The following PCSK5 variants were observed in gnomAD, a reference collection of about 807,000 sequenced individuals.
The protein encoded by PCSK5 is proprotein convertase subtilisin/kexin type 5.
PCSK5 carries 129 observed loss-of-function variants against 233.2 expected under a neutral mutation model. That is an observed-to-expected ratio of 0.55 (90% CI 0.48 to 0.64). The LOEUF (loss-of-function observed/expected upper bound fraction) is 0.64. Among genes scored for constraint, PCSK5 ranks in the 30% least tolerant of loss-of-function variants. The pLI is 0.00. For synonymous variants in PCSK5, 825 were observed against 879.2 expected (o/e 0.94, Z 1.09); for missense variants, 2,076 against 2,430.1 (o/e 0.85, Z 3.06).
At chr9:75,896,619 G>T (rs1484581422) in intron 1 of PCSK5, among the ~76,000 whole-genome samples, 6 of 152,120 alleles carry the variant, frequency 3.9e-5, no homozygotes, top group Non-Finnish European at 8.8e-5. Flanking sequence ...TTTAATTCAG[G>T]TTGTGATCAA....
chr9:76,307,969 G>A (rs779948749), intron 28 of PCSK5, among the ~76,000 whole-genome samples: 7 of 152,146 alleles, frequency 4.6e-5, no homozygotes, highest in South Asian at 2.1e-4. Context: ...AGGCTGAGGC[G>A]GGTGGATCAC....
At chr9:75,985,515 AATG>A (rs1826472153) in intron 2 of PCSK5, among the ~76,000 whole-genome samples, 1 of 152,120 alleles carries the variant, frequency 6.6e-6, no homozygotes, top group Non-Finnish European at 1.5e-5. Context: ...TAAAAAAAAA[AATG>A]ATCCTGGAGC....
chr9:75,947,988 C>G (rs990606500), intron 2 of PCSK5, among the ~76,000 whole-genome samples: 1 of 151,982 alleles, frequency 6.6e-6, no homozygotes, highest in African/African-American at 2.4e-5. Context: ...ACCACAGGCA[C>G]GTACTACCAT....
intron 2 of PCSK5, among the ~76,000 whole-genome samples, chr9:75,942,876 CT>C: frequency 7.5e-6 from 1 of 133,798 alleles, no homozygotes; most frequent in South Asian, 2.3e-4. Flanking sequence ...TATTTCTTTT[CT>C]TCTTCTTCTT....
intron 35 of PCSK5, among the ~76,000 whole-genome samples, chr9:76,343,509 G>T (rs917085823): frequency 1.3e-5 from 2 of 152,034 alleles, no homozygotes; most frequent in Non-Finnish European, 2.9e-5. Flanking sequence ...GGCCAGGATA[G>T]AATTTTAATT....
intron 20 of PCSK5, among the ~76,000 whole-genome samples, chr9:76,196,786 T>C (rs1469328375): frequency 6.6e-6 from 1 of 152,212 alleles, no homozygotes; most frequent in Non-Finnish European, 1.5e-5. Flanking sequence ...TAGAGGTGAA[T>C]GTATTATCCT....
chr9:76,082,974 C>G (rs1001704162), intron 7 of PCSK5, among the ~76,000 whole-genome samples: 6 of 151,904 alleles, frequency 3.9e-5, no homozygotes, highest in Admixed American at 2.6e-4. Context: ...TCTGGGAGGC[C>G]AAGGCGGGTG....
At chr9:75,933,386 C>T (rs1228533057) in intron 2 of PCSK5, among the ~76,000 whole-genome samples, 1 of 152,132 alleles carries the variant, frequency 6.6e-6, no homozygotes, top group Non-Finnish European at 1.5e-5. Context: ...GTAGGGTGTT[C>T]TTGCTTTTTT....
chr9:76,156,050 G>A (rs115029915), intron 10 of PCSK5, among the ~76,000 whole-genome samples: 3 of 152,308 alleles, frequency 2.0e-5, no homozygotes, highest in African/African-American at 7.2e-5. Flanking sequence ...TAATCCATAA[G>A]TATGGGCAGC....
At chr9:75,913,840 G>A (rs1822862866) in intron 1 of PCSK5, among the ~76,000 whole-genome samples, 1 of 151,892 alleles carries the variant, frequency 6.6e-6, no homozygotes, top group Admixed American at 6.6e-5. Flanking sequence ...CAGTAATACA[G>A]TAATTCCTAC....
chr9:76,170,370 T>C (rs950954163), intron 13 of PCSK5, among the ~76,000 whole-genome samples: 8 of 152,240 alleles, frequency 5.3e-5, no homozygotes, highest in African/African-American at 1.7e-4. Context: ...CTTCTTGACA[T>C]GTAAAACAGA....
intron 3 of PCSK5, among the ~76,000 whole-genome samples, chr9:76,015,234 C>G (rs1462559009): frequency 2.0e-5 from 3 of 152,208 alleles, no homozygotes; most frequent in Non-Finnish European, 4.4e-5. Context: ...CACTCTTCCT[C>G]TGACTTTTTG....
At chr9:76,181,621 G>C in intron 16 of PCSK5, 30 bp downstream of exon 16, 1 of 1,502,820 alleles carries the variant, frequency 6.7e-7, no homozygotes, top group South Asian at 1.2e-5. Context: ...TTGGGTTTTA[G>C]AGAAGAAATG....
intron 24 of PCSK5, among the ~76,000 whole-genome samples, chr9:76,265,592 G>A (rs1827309878): frequency 6.6e-6 from 1 of 152,054 alleles, no homozygotes; most frequent in Non-Finnish European, 1.5e-5. Flanking sequence ...AGGTGGGAGA[G>A]TAGATAAATG....
chr9:76,064,352 GCGGGGGGC>G (rs1830179392), intron 5 of PCSK5, among the ~76,000 whole-genome samples: 1 of 104,048 alleles, frequency 9.6e-6, no homozygotes, highest in Non-Finnish European at 2.0e-5. Flanking sequence ...GGCTGGCCGG[GCGGGGGGC>G]TGACCCCCCC....
chr9:76,297,374 A>C (rs1363470304), intron 27 of PCSK5, among the ~76,000 whole-genome samples: 3 of 152,164 alleles, frequency 2.0e-5, no homozygotes, highest in Non-Finnish European at 4.4e-5. Context: ...GCGTTATTAG[A>C]GCTCACCGTC....
Position 76,318,597 on chromosome 9 carries a change from A to G in PCSK5, c.3885-2825A>G, listed in dbSNP as rs1829101853. Among the ~76,000 whole-genome samples the G allele has an allele frequency of 2.6e-5, 4 of 152,350 alleles. No homozygotes were observed. The South Asian group carries it at 8.3e-4, about 32-fold the overall frequency. On this transcript the variant is annotated intron_variant, in intron 30 of 37. Transcript: ENST00000674117. ...CAGTGAGTGATTTCTACAATGGGAT[A>G]GTTTAATCACTGGGGTTCTATATAC... is the stretch of plus-strand genomic sequence containing the variant.
intron 24 of PCSK5, among the ~76,000 whole-genome samples, chr9:76,253,046 A>G (rs2803424): frequency 0.64 from 97,297 of 152,046 alleles, 32,608 homozygotes; most frequent in African/African-American, 0.84. Context: ...TAAAATATAT[A>G]CCAGCAGTTT....
At chr9:76,004,346 A>G (rs1349333995) in intron 3 of PCSK5, among the ~76,000 whole-genome samples, 3 of 152,036 alleles carry the variant, frequency 2.0e-5, no homozygotes, top group East Asian at 3.9e-4. Flanking sequence ...GCTTCCTGTC[A>G]GGTGGTATAA....
Sources: allele counts gnomAD v4.1 joint callset (sites outside exome capture counted in the v4.1 genomes callset), GRCh38; gene constraint gnomAD v4.1.1; transcripts MANE v1.5; gene names NCBI Gene and HGNC (gene_info 2026-07-23, HGNC 2026-07-21).